Variants in DBF4B observed in about 807,000 individuals in gnomAD.
DBF4B encodes DBF4B-CDC7 kinase regulatory subunit, also known as protein DBF4 homolog B.
A neutral mutation model predicts 53.4 loss-of-function variants in DBF4B; 49 were observed. The observed-to-expected ratio is 0.92, with a 90% CI of 0.73 to 1.16. The LOEUF is 1.16. Among genes scored for constraint, DBF4B ranks in the 50% most tolerant of loss-of-function variants. The pLI is 0.00. For synonymous variants in DBF4B, 257 were observed against 288.7 expected (o/e 0.89, Z 1.11); for missense variants, 692 against 775.0 (o/e 0.89, Z 1.27).
In DBF4B at chr17:44,709,909, C is replaced by T. The variant is rs554644113; in HGVS notation, c.82+543C>T. Among the ~76,000 whole-genome samples, 4 of 151,842 alleles carry T rather than the reference C, an allele frequency of 2.6e-5. No homozygotes were observed. The South Asian group carries it at 6.2e-4, about 24-fold the overall frequency. ...ATCTAGTTGGCCGGGCGCGGCTGCT[C>T]ACGCCTGTAATCCCAGCACTTTGGG... On this transcript the variant is annotated intron_variant, in intron 2 of 13. Coordinates refer to ENST00000315005, the MANE Select transcript of DBF4B (RefSeq NM_145663.3).
At chr17:44,745,084 A>G (rs967142756) in intron 10 of DBF4B, among the ~76,000 whole-genome samples, 3 of 152,108 alleles carry the variant, frequency 2.0e-5, no homozygotes, top group South Asian at 4.2e-4. Context: ...GGTGTGCACC[A>G]CCACACCTGG....
In DBF4B at chr17:44,724,066, A is replaced by G. The variant is rs778568699; in HGVS notation, c.225+1044A>G. 3.6e-4 allele frequency among the ~76,000 whole-genome samples: 55 copies of G among 152,264 alleles called. 1 individual carries two copies. The highest frequency in any genetic ancestry group is 6.8e-3 in the Middle Eastern group (2 of 294). ...CAGTGAGCTGAAGTCGAGGTCTTGC[A>G]CCACTGCATTCCAGCCTGGGCAACA... On this transcript the variant is annotated intron_variant, in intron 3 of 13. Transcript: ENST00000315005.
Position 44,708,777 on chromosome 17 carries a change from C to T in DBF4B, c.-44C>T, listed in dbSNP as rs980732215. 4 of 1,548,088 alleles carry T rather than the reference C, an allele frequency of 2.6e-6. No homozygotes were observed. Among genetic ancestry groups the T allele is most frequent in the African/African-American group, 2.7e-5 (2 of 72,856 alleles). ...GGAGCTCGCGAATGTAATACGGAGG[C>T]CTCTGAGGAAGGAGTACGGAGGCCG... On this transcript the variant is annotated 5_prime_UTR_variant, in exon 1 of 14. Transcript: ENST00000315005.
At position 44,751,759 on chromosome 17, in the gene DBF4B, C is replaced by T; in HGVS notation, c.*506C>T. 1 of 1,478,322 alleles carries T rather than the reference C, an allele frequency of 6.8e-7. No homozygotes were observed. The highest frequency in any genetic ancestry group is 2.0e-4 in the Middle Eastern group (1 of 4,942). The allele number at this position is 1,478,322 out of a possible 1,614,324, so 91.6% of individuals were successfully genotyped here. ...CCTGGGTAGCTCTGCCTGAAGCATT[C>T]CACTAAGATCATCTATTCCAAGGTC... is the stretch of plus-strand genomic sequence containing the variant. On this transcript the variant is annotated 3_prime_UTR_variant, in exon 14 of 14. Transcript: ENST00000315005.
At chr17:44,727,390 G>A (rs1055487849) in intron 3 of DBF4B, among the ~76,000 whole-genome samples, 4 of 152,064 alleles carry the variant, frequency 2.6e-5, no homozygotes, top group Non-Finnish European at 4.4e-5. Context: ...TTGCACTCCA[G>A]CCCGGGCAAC....
Position 44,751,709 on chromosome 17 carries a change from A to T in DBF4B, c.*456A>T. The T allele has an allele frequency of 7.0e-7, 1 of 1,431,966 alleles. No homozygotes were observed. The highest frequency in any genetic ancestry group is 9.1e-7 in the Non-Finnish European group (1 of 1,095,354). The allele number at this position is 1,431,966 out of a possible 1,614,324, so 88.7% of individuals were successfully genotyped here. ...GGTCTATACCTACCGCCTCCTCTTC[A>T]CCTCCTTCCCTTCCACACTTCCTTC... On this transcript the variant is annotated 3_prime_UTR_variant, in exon 14 of 14. Coordinates refer to ENST00000315005, the MANE Select transcript of DBF4B (RefSeq NM_145663.3).
intron 13 of DBF4B, chr17:44,750,344 C>T: frequency 6.2e-6 from 8 of 1,294,040 alleles, no homozygotes; most frequent in Non-Finnish European, 6.8e-6. Context: ...TTGAAGCTTC[C>T]GGAAGCCTGA....
At chr17:44,743,577 A>G (rs938720674) in intron 10 of DBF4B, among the ~76,000 whole-genome samples, 1 of 150,952 alleles carries the variant, frequency 6.6e-6, no homozygotes, top group Non-Finnish European at 1.5e-5. Context: ...AAAAGCAAGT[A>G]ACATCCAGCA....
intron 2 of DBF4B, among the ~76,000 whole-genome samples, chr17:44,718,499 C>A (rs1023079048): frequency 5.3e-5 from 8 of 150,884 alleles, no homozygotes; most frequent in Middle Eastern, 3.2e-3. Flanking sequence ...GGTCCTCATT[C>A]TTTCTTTGTC....
Position 44,737,973 on chromosome 17 carries a change from G to A in DBF4B, c.668-406G>A, listed in dbSNP as rs181485073. 9.8e-5 allele frequency among the ~76,000 whole-genome samples: 15 copies of A among 152,306 alleles called. No individual in the cohort carries two copies. In the East Asian group the frequency reaches 1.2e-3, roughly 12 times the overall value. ...AGAAGCAAAGGGCTAGGAAGGACCT[G>A]GGACTTTGTGGGAATGACCACCCCC... is the stretch of plus-strand genomic sequence containing the variant. On this transcript the variant is annotated intron_variant, in intron 8 of 13. Transcript: ENST00000315005.
At chr17:44,727,364 A>G (rs1974453131) in intron 3 of DBF4B, among the ~76,000 whole-genome samples, 2 of 152,078 alleles carry the variant, frequency 1.3e-5, no homozygotes, top group South Asian at 4.1e-4. Flanking sequence ...GGTTCTAGTG[A>G]GCCAAAATTG....
intron 2 of DBF4B, among the ~76,000 whole-genome samples, chr17:44,710,685 A>T (rs1405764675): frequency 6.6e-6 from 1 of 151,046 alleles, no homozygotes; most frequent in African/African-American, 2.4e-5. Context: ...CCCACCTCAG[A>T]CTCCCAGGTA....
intron 2 of DBF4B, among the ~76,000 whole-genome samples, chr17:44,715,200 TTTTG>T (rs1267496682): frequency 1.1e-4 from 17 of 151,992 alleles, no homozygotes; most frequent in East Asian, 5.8e-4. Flanking sequence ...TCTTGTGGAT[TTTTG>T]TTTGTTTGTT....
chr17:44,742,107 TG>T (rs1309649353), intron 10 of DBF4B, among the ~76,000 whole-genome samples: 2 of 148,630 alleles, frequency 1.3e-5, no homozygotes, highest in African/African-American at 5.0e-5. Flanking sequence ...AAAATAAAAA[TG>T]TAAAAAATTA....
chr17:44,723,047 G>A (rs547505446), intron 3 of DBF4B, 25 bp downstream of exon 3: 42 of 1,612,900 alleles, frequency 2.6e-5, no homozygotes, highest in South Asian at 4.4e-5. Context: ...CTTCTCCTGC[G>A]ATGCCATGTG....
chr17:44,733,609 G>A (rs1360362197), intron 6 of DBF4B: 1 of 157,412 alleles, frequency 6.4e-6, no homozygotes, highest in Non-Finnish European at 1.4e-5. Flanking sequence ...TACAGGGGAA[G>A]TTCCTGGTCT....
chr17:44,747,977 T>G (rs1251599318), intron 12 of DBF4B, among the ~76,000 whole-genome samples: 1 of 152,228 alleles, frequency 6.6e-6, no homozygotes, highest in Non-Finnish European at 1.5e-5. Flanking sequence ...CACCTGGGGC[T>G]GTGGCTTCAC....
chr17:44,718,145 G>A (rs1973491512), intron 2 of DBF4B, among the ~76,000 whole-genome samples: 1 of 151,316 alleles, frequency 6.6e-6, no homozygotes. Flanking sequence ...AAGATTACAT[G>A]TTGCAGCTGG....
At chr17:44,747,358 C>G in intron 11 of DBF4B, 33 bp from the exon 12 acceptor site, 2 of 1,612,674 alleles carry the variant, frequency 1.2e-6, no homozygotes, top group East Asian at 2.2e-5. Flanking sequence ...CAGGCCTCAT[C>G]TAATGCCCTG....
Sources: gnomAD v4.1 joint callset for allele counts (sites outside exome capture counted in the v4.1 genomes callset) on GRCh38, gnomAD v4.1.1 for gene constraint, MANE v1.5 for transcripts, NCBI Gene and HGNC (gene_info 2026-07-23, HGNC 2026-07-21) for gene names.